The following MAST3 variants were observed in gnomAD, a reference collection of about 807,000 sequenced individuals.
The protein encoded by MAST3 is microtubule associated serine/threonine kinase 3, also known as microtubule-associated serine/threonine-protein kinase 3.
In MAST3, 43 loss-of-function variants were observed where a neutral mutation model predicts 127.0. The ratio of observed to expected loss-of-function variants is 0.34; its 90% CI spans 0.27 to 0.44. The LOEUF (loss-of-function observed/expected upper bound fraction) is 0.44. MAST3 is among the 20% of genes least tolerant of loss of function. The pLI is 1.00. For missense variants in MAST3, 1,390 were observed against 1,919.1 expected (o/e 0.72, Z 5.15); for synonymous variants, 785 against 809.2 (o/e 0.97, Z 0.51).
chr19:18,121,125 G>T (rs2039924060), intron 3 of MAST3, among the ~76,000 whole-genome samples: 1 of 152,086 alleles, frequency 6.6e-6, no homozygotes, highest in African/African-American at 2.4e-5. Flanking sequence ...CAAAGTGCTG[G>T]GATTACAGGG....
chr19:18,106,799 G>A (rs955635952), intron 1 of MAST3, among the ~76,000 whole-genome samples: 2 of 151,014 alleles, frequency 1.3e-5, no homozygotes, highest in South Asian at 2.1e-4. Context: ...TTGAACTCCC[G>A]ACCTCAGGTG....
At chr19:18,132,688 A>G (rs749217247) in intron 15 of MAST3, among the ~76,000 whole-genome samples, 1 of 152,186 alleles carries the variant, frequency 6.6e-6, no homozygotes, top group Non-Finnish European at 1.5e-5. Flanking sequence ...CTCTGCATTT[A>G]TTGAGCGCCT....
intron 3 of MAST3, among the ~76,000 whole-genome samples, chr19:18,120,280 AG>A (rs1168883997): frequency 6.6e-6 from 1 of 152,150 alleles, no homozygotes; most frequent in Admixed American, 6.5e-5. Context: ...AAGAGATGGG[AG>A]CAGGGGCTTC....
chr19:18,114,914 G>A (rs767612866), intron 3 of MAST3, among the ~76,000 whole-genome samples: 1 of 152,154 alleles, frequency 6.6e-6, no homozygotes, highest in Non-Finnish European at 1.5e-5. Flanking sequence ...GGGCAGGTGG[G>A]AAGCGCTGGG....
chr19:18,110,185 C>A lies in MAST3; in HGVS notation c.72-467C>A. 1.0e-6 allele frequency: 1 copy of A among 985,470 alleles called. No homozygotes were observed. Among genetic ancestry groups the A allele is most frequent in the Non-Finnish European group, 1.2e-6 (1 of 829,954 alleles). 61.0% of individuals were successfully genotyped at this position (985,470 alleles called of 1,614,324 possible). A position where few individuals can be genotyped will look rare whatever the true frequency, so the allele number is the denominator to read the frequency against. ...CAGCGGCCCAGCCCCCGCGTCTAGT[C>A]TGCCGCACCAGCCAGGCGTCTGTCC... is the stretch of plus-strand genomic sequence containing the variant. On this transcript the variant is annotated intron_variant, in intron 2 of 27. Transcript: ENST00000687212. The surrounding 1 kb of genome is among the most constrained non-coding windows in gnomAD (Gnocchi z 4.3).
At position 18,110,705 on chromosome 19, in the gene MAST3, G is replaced by GC; in HGVS notation, c.129dup (p.Cys44LeufsTer2). On this transcript the variant is annotated frameshift_variant, in exon 3 of 28. Transcript: ENST00000687212. LOFTEE classifies it high-confidence loss of function. The surrounding 1 kb of genome is among the most constrained non-coding windows in gnomAD (Gnocchi z 4.3). ...CTGCTGGGTCCCAGCAGCCCCTGCAGCCCCTGTAGCCCCTCCTTGGGCCTG... is the reference window on the plus strand; with the variant it reads ...CTGCTGGGTCCCAGCAGCCCCTGCAGCCCCCTGTAGCCCCTCCTTGGGCCTG... The GC allele has an allele frequency of 1.0e-6, 1 of 985,906 alleles. No individual in the cohort carries two copies. The highest frequency in any genetic ancestry group is 4.7e-5 in the South Asian group (1 of 21,296). 61.1% of individuals were successfully genotyped at this position (985,906 alleles called of 1,614,324 possible).
At chr19:18,129,142 G>A in intron 13 of MAST3, 191 bp downstream of exon 13, 1 of 609,190 alleles carries the variant, frequency 1.6e-6, no homozygotes, top group Admixed American at 2.8e-5. Flanking sequence ...CCTCATGTGT[G>A]CTCTGTCCAC....
chr19:18,117,200 G>T lies in MAST3; in HGVS notation c.162-4485G>T, dbSNP rs140291927. Among the ~76,000 whole-genome samples the T allele has an allele frequency of 6.6e-3, 1,010 of 152,314 alleles. 10 individuals carry two copies. The highest frequency in any genetic ancestry group is 0.024 in the African/African-American group (984 of 41,576). ...GGGGGATGTTACGCATGGGGAAACAGAGGCCTGGAAGTTAGCCTGATGCTA... is the reference window on the plus strand; with the variant it reads ...GGGGGATGTTACGCATGGGGAAACATAGGCCTGGAAGTTAGCCTGATGCTA... On this transcript the variant is annotated intron_variant, in intron 3 of 27. Coordinates refer to ENST00000687212, the MANE Select transcript of MAST3 (RefSeq NM_001393504.1).
At position 18,123,583 on chromosome 19, in the gene MAST3, G is replaced by C; in HGVS notation, c.561G>C (p.Pro187=). The C allele has an allele frequency of 6.3e-7, 1 of 1,577,036 alleles. No homozygotes were observed. The highest frequency in any genetic ancestry group is 8.6e-7 in the Non-Finnish European group (1 of 1,161,620). The change falls in exon 8 of 28, where the codon CCG becomes CCC. Residue 187 remains proline (P), a synonymous_variant. Coordinates refer to ENST00000687212, the MANE Select transcript of MAST3 (RefSeq NM_001393504.1). ...AAGCCAGCTGTCTTCCTTTCAGCCCGGGCCGTGCAACGGGGACCTTCGACA... is the reference window on the plus strand; with the variant it reads ...AAGCCAGCTGTCTTCCTTTCAGCCCCGGCCGTGCAACGGGGACCTTCGACA... The part of the protein sequence containing the change: ...RLRPRSRSLS[P]GRATGTFDNE...
intron 20 of MAST3, 36 bp from the exon 21 acceptor site, chr19:18,141,846 G>A (rs922261462): frequency 1.0e-5 from 14 of 1,360,316 alleles, no homozygotes; most frequent in South Asian, 5.7e-5. Flanking sequence ...ATGAGCCACC[G>A]CACCCGGCTT....
chr19:18,139,069 A>G lies in MAST3; in HGVS notation c.2150A>G (p.Glu717Gly). The stretch of plus-strand genomic sequence containing the variant: ...TCCGAGGACGACGAGACCAATGATG[A>G]AGAATCGTCCACAGAGATCCCCCAG... The part of the protein sequence containing the change: ...LGSEDDETND[E>G]ESSTEIPQFS... Residue 717 changes from glutamate to glycine, a missense_variant, in exon 20 of 28, where the codon GAA (glutamate) becomes GGA (glycine). Glu to Gly is a moderately conservative substitution (Grantham distance 98, BLOSUM62 -2). Around this residue, in one of 5 missense-constraint regions of MAST3, gnomAD observed 816 missense variants for 934.1 expected, o/e 0.87. Transcript: ENST00000687212. The G allele has an allele frequency of 6.2e-7, 1 of 1,605,372 alleles. No individual in the cohort carries two copies. The highest frequency in any genetic ancestry group is 8.5e-7 in the Non-Finnish European group (1 of 1,176,074).
In MAST3 at chr19:18,112,708, T is replaced by C. The variant is rs1599688130; in HGVS notation, c.161+1967T>C. Among the ~76,000 whole-genome samples the C allele has an allele frequency of 6.6e-6, 1 of 152,066 alleles. No homozygotes were observed. Among genetic ancestry groups the C allele is most frequent in the South Asian group, 2.1e-4 (1 of 4,826 alleles). On this transcript the variant is annotated intron_variant, in intron 3 of 27. Transcript: ENST00000687212. This position sits in a 1 kb window ranked among gnomAD's most constrained non-coding sequence, Gnocchi z 4.1. ...CTGGTCTTGAACTCCTGACCTCAGG[T>C]GATCCACCCGCCTTGGCTTCCCAAA... is the stretch of plus-strand genomic sequence containing the variant.
chr19:18,107,746 C>CCT (rs2038189032), intron 2 of MAST3, 128 bp downstream of exon 2: 1 of 1,063,374 alleles, frequency 9.4e-7, no homozygotes, highest in Non-Finnish European at 1.4e-6. Flanking sequence ...TCATTCTTGC[C>CCT]CTCGTGTTTG....
At chr19:18,137,574 G>A (rs1190533452) in intron 19 of MAST3, among the ~76,000 whole-genome samples, 1 of 152,214 alleles carries the variant, frequency 6.6e-6, no homozygotes, top group Non-Finnish European at 1.5e-5. Context: ...GGAGGCCACA[G>A]CATCCCTCAG....
chr19:18,122,421 T>C (rs2040106687), intron 5 of MAST3, among the ~76,000 whole-genome samples: 1 of 148,566 alleles, frequency 6.7e-6, no homozygotes, highest in Non-Finnish European at 1.5e-5. Flanking sequence ...CCCCAGAAGC[T>C]ACAGCTCAGA....
In MAST3 at chr19:18,145,641, G is replaced by C. The variant is rs1056991339; in HGVS notation, c.3040-102G>C. ...GATCAGGGAAACTGAGACAGCACAA[G>C]AGGCAGCAGCTTGCTGGGGTCCCAC... On this transcript the variant is annotated intron_variant, in intron 24 of 27. Transcript: ENST00000687212. The surrounding 1 kb of genome is among the most constrained non-coding windows in gnomAD (Gnocchi z 5.9). The C allele has an allele frequency of 4.2e-5, 56 of 1,348,662 alleles. No homozygotes were observed. The highest frequency in any genetic ancestry group is 5.2e-5 in the Non-Finnish European group (53 of 1,014,566). The allele number at this position is 1,348,662 out of a possible 1,614,324, so 83.5% of individuals were successfully genotyped here.
chr19:18,127,379 C>G (rs867659428), intron 11 of MAST3, among the ~76,000 whole-genome samples: 1 of 152,022 alleles, frequency 6.6e-6, no homozygotes, highest in African/African-American at 2.4e-5. Flanking sequence ...GAAACCCTGT[C>G]TCTACTAAAA....
rs549606596 is a variant in MAST3, at chr19:18,131,428, C to T, written c.1433-481C>T. On this transcript the variant is annotated intron_variant, in intron 14 of 27. Coordinates refer to ENST00000687212, the MANE Select transcript of MAST3 (RefSeq NM_001393504.1). ...AAAAATTTAAAAAATAGGCCAGGCG[C>T]GGTGGCCAACGCCTGTAATCTCAGC... Among the ~76,000 whole-genome samples the T allele has an allele frequency of 1.6e-4, 22 of 139,164 alleles. 4 individuals carry two copies. Among genetic ancestry groups the T allele is most frequent in the Non-Finnish European group, 2.6e-4 (16 of 62,380 alleles). The allele number at this position is 139,164 out of a possible 152,430, so 91.3% of individuals were successfully genotyped here.
At chr19:18,113,198 G>C (rs117269320) in intron 3 of MAST3, among the ~76,000 whole-genome samples, 2 of 152,118 alleles carry the variant, frequency 1.3e-5, no homozygotes, top group African/African-American at 4.8e-5. Context: ...TGGGCCTGGC[G>C]GGGGAATGGG....
Sources: allele counts gnomAD v4.1 joint callset (sites outside exome capture counted in the v4.1 genomes callset), GRCh38; gene constraint gnomAD v4.1.1; regional missense constraint gnomAD v4.1.1; non-coding constraint Gnocchi (gnomAD v3.1); transcripts MANE v1.5; gene names NCBI Gene and HGNC (gene_info 2026-07-23, HGNC 2026-07-21).